TEX11: variants seen among roughly 807,000 people sequenced by gnomAD.
TEX11 encodes testis-expressed protein 11.
Under a neutral mutation model 84.4 loss-of-function variants are expected in TEX11, and 7 were observed. The observed-to-expected ratio is 0.08, with a 90% CI of 0.05 to 0.16. The LOEUF (loss-of-function observed/expected upper bound fraction) is 0.16. Among genes scored for constraint, TEX11 ranks in the 10% least tolerant of loss-of-function variants. The pLI is 1.00. For missense variants in TEX11, 551 were observed against 660.5 expected, an observed-to-expected ratio of 0.83 and a Z score of 1.82; for synonymous variants, 264 against 222.8, an observed-to-expected ratio of 1.18 and a Z score of -1.64.
chrX:70,845,472 A>C (rs2091474183), intron 7 of TEX11, among the ~76,000 whole-genome samples: 1 of 111,122 alleles, frequency 9.0e-6, no homozygotes, highest in Admixed American at 9.6e-5. Flanking sequence ...CACTTCATTC[A>C]TTTTTATGAA....
chrX:70,516,425 G>A, the TEX11 span, among the ~76,000 whole-genome samples: 1 of 111,595 alleles, frequency 9.0e-6, no homozygotes, highest in Admixed American at 9.6e-5. Flanking sequence ...AAGATCAGAT[G>A]GTTGTAGATG....
chrX:70,711,048 T>C (rs1173403125), intron 13 of TEX11, among the ~76,000 whole-genome samples: 1 of 110,121 alleles, frequency 9.1e-6, no homozygotes, highest in Non-Finnish European at 1.9e-5. Context: ...GTTTGGTTTT[T>C]TGTCCTTGCG....
Position 70,820,737 on chromosome X carries a change from A to G in TEX11, c.606+12776T>C, listed in dbSNP as rs182920889. ...AACTCTGAGTGAGAACTCACTTACTATTGTGAGGAATAGCACCAAGCTATT... is the reference window on the plus strand; with the variant it reads ...AACTCTGAGTGAGAACTCACTTACTGTTGTGAGGAATAGCACCAAGCTATT... On this transcript the variant is annotated intron_variant, in intron 8 of 29. Coordinates refer to ENST00000374333, the MANE Select transcript of TEX11 (RefSeq NM_031276.3). Among the ~76,000 whole-genome samples the G allele has an allele frequency of 1.4e-4, 16 of 111,162 alleles. No individual in the cohort carries two copies. In the East Asian group the frequency reaches 2.8e-3, roughly 20 times the overall value.
intron 9 of TEX11, among the ~76,000 whole-genome samples, chrX:70,785,129 A>C (rs2091069547): frequency 8.9e-6 from 1 of 111,968 alleles, no homozygotes; most frequent in African/African-American, 3.2e-5. Context: ...TAAAGCAGAT[A>C]TATAGACCAA....
rs1192999442 is a variant in TEX11 at position 70,645,909 on chromosome X, TA to T, written c.1483+5540del. On this transcript the variant is annotated intron_variant, in intron 17 of 29. Transcript: ENST00000374333. ...TTCCAGTGACATTTTTTCCCAGAAA[TA>T]AAAAAAAAAATACTGACGTTTCCAC... Among the ~76,000 whole-genome samples the T allele has an allele frequency of 7.9e-3, 811 of 102,899 alleles. 3 individuals are homozygous for T. The highest frequency in any genetic ancestry group is 0.026 in the African/African-American group (738 of 28,540). 89.4% of individuals were successfully genotyped at this position (102,899 alleles called of 115,157 possible).
At chrX:70,671,838 A>C (rs1196980453) in intron 15 of TEX11, among the ~76,000 whole-genome samples, 1 of 102,268 alleles carries the variant, frequency 9.8e-6, no homozygotes, top group African/African-American at 3.5e-5. Context: ...GGTACAATTG[A>C]CATATGAAAC....
chrX:70,651,788 C>T (rs1290443684), intron 16 of TEX11, among the ~76,000 whole-genome samples: 1 of 111,344 alleles, frequency 9.0e-6, no homozygotes, highest in Non-Finnish European at 1.9e-5. Flanking sequence ...TGAAAACAAC[C>T]AAAAATATTG....
At chrX:70,771,923 C>T (rs1435904252) in intron 9 of TEX11, among the ~76,000 whole-genome samples, 1 of 111,704 alleles carries the variant, frequency 9.0e-6, no homozygotes, top group African/African-American at 3.3e-5. Flanking sequence ...ACCCCCATAG[C>T]CCCAGGCTCT....
In TEX11 at chrX:70,793,353, C is replaced by A. The variant is rs1179908563; in HGVS notation, c.692+13352G>T. Among the ~76,000 whole-genome samples the A allele has an allele frequency of 2.7e-5, 3 of 111,741 alleles. No individual in the cohort carries two copies. The East Asian group carries it at 8.4e-4, about 31-fold the overall frequency. On this transcript the variant is annotated intron_variant, in intron 9 of 29. Coordinates refer to ENST00000374333, the MANE Select transcript of TEX11 (RefSeq NM_031276.3). ...CTGTGGTGTAGTTTGAATGTCCCTG[C>A]CCAAATCTCATGTTGACTTGTAATC...
chrX:70,871,996 A>G (rs1259055536), intron 4 of TEX11, among the ~76,000 whole-genome samples: 3 of 107,276 alleles, frequency 2.8e-5, no homozygotes, highest in Admixed American at 1.0e-4. Context: ...CCTTAAAAAA[A>G]AAAAAGAAAA....
At chrX:70,854,902 G>A (rs1347923690) in intron 5 of TEX11, among the ~76,000 whole-genome samples, 1 of 96,324 alleles carries the variant, frequency 1.0e-5, no homozygotes, top group Non-Finnish European at 2.1e-5. Flanking sequence ...CAAAAAATTA[G>A]CTGGGCATGG....
chrX:70,849,709 T>C (rs1012161763), intron 7 of TEX11, among the ~76,000 whole-genome samples: 4 of 111,910 alleles, frequency 3.6e-5, no homozygotes, highest in African/African-American at 1.3e-4. Flanking sequence ...AAAATTAACT[T>C]AGAGCAAAAG....
the TEX11 span, among the ~76,000 whole-genome samples, chrX:70,519,806 G>A: frequency 8.9e-6 from 1 of 111,745 alleles, no homozygotes; most frequent in South Asian, 3.8e-4. Context: ...TGGAGGATTT[G>A]TCTGTTTCTT....
chrX:70,898,153 A>G (rs2091783503), intron 2 of TEX11, among the ~76,000 whole-genome samples: 1 of 112,132 alleles, frequency 8.9e-6, no homozygotes, highest in African/African-American at 3.2e-5. Flanking sequence ...AAAGGTAATT[A>G]CATTCTAAAA....
At chrX:70,636,629 A>G (rs1332035677) in intron 17 of TEX11, among the ~76,000 whole-genome samples, 1 of 112,390 alleles carries the variant, frequency 8.9e-6, no homozygotes, top group Non-Finnish European at 1.9e-5. Flanking sequence ...GCTCTTGCAG[A>G]TTCAGACTCA....
chrX:70,740,482 AT>A, intron 11 of TEX11, among the ~76,000 whole-genome samples: 1 of 111,778 alleles, frequency 8.9e-6, no homozygotes, highest in Admixed American at 9.6e-5. Context: ...CCACCTCTTA[AT>A]ATCATCACTT....
At chrX:70,713,346 G>A (rs1435561788) in intron 13 of TEX11, among the ~76,000 whole-genome samples, 40 of 111,835 alleles carry the variant, frequency 3.6e-4, no homozygotes, top group African/African-American at 1.3e-3. Context: ...CTATTGATTG[G>A]AATAGTTTCA....
intron 9 of TEX11, among the ~76,000 whole-genome samples, chrX:70,774,548 C>T (rs1734952485): frequency 9.0e-6 from 1 of 111,318 alleles, no homozygotes; most frequent in African/African-American, 3.3e-5. Flanking sequence ...ATACAAAAAT[C>T]AGCAGCATTT....
chrX:70,880,791 A>C (rs2091678345), intron 2 of TEX11, among the ~76,000 whole-genome samples: 1 of 109,986 alleles, frequency 9.1e-6, no homozygotes, highest in African/African-American at 3.3e-5. Context: ...CCAGATATTG[A>C]ATCTGCACAA....
Sources: allele counts gnomAD v4.1 joint callset (sites outside exome capture counted in the v4.1 genomes callset), GRCh38; gene constraint gnomAD v4.1.1; transcripts MANE v1.5; gene names NCBI Gene and HGNC (gene_info 2026-07-23, HGNC 2026-07-21).